The following GRAMD1C variants were observed in gnomAD, a reference collection of about 807,000 sequenced individuals.
GRAMD1C encodes the protein protein Aster-C.
GRAMD1C carries 89 observed loss-of-function variants against 97.8 expected under a neutral mutation model. That is an observed-to-expected ratio of 0.91 (90% confidence interval 0.77 to 1.09). GRAMD1C has a LOEUF of 1.09. Among genes scored for constraint, GRAMD1C ranks in the 50% least tolerant of loss-of-function variants. The pLI is 0.00. For missense variants in GRAMD1C, 740 were observed against 766.4 expected, an observed-to-expected ratio of 0.97 and a Z score of 0.41; for synonymous variants, 256 against 267.0, an observed-to-expected ratio of 0.96 and a Z score of 0.40.
chr3:113,901,630 T>TGGTAAGAGTCATAACAG, intron 7 of GRAMD1C, among the ~76,000 whole-genome samples: 1 of 152,162 alleles, frequency 6.6e-6, no homozygotes, highest in Middle Eastern at 3.2e-3. Flanking sequence ...AGGTCGATAA[T>TGGTAAGAGTCATAACAG]GGTAAGAGTC....
At chr3:113,882,883 A>C (rs764147384) in intron 6 of GRAMD1C, 51 bp downstream of exon 6, 1 of 824,160 alleles carries the variant, frequency 1.2e-6, no homozygotes, top group Non-Finnish European at 2.0e-6. Flanking sequence ...CTCCTAGTGT[A>C]TTTGTGAATT....
chr3:113,857,521 G>A (rs965351739), intron 2 of GRAMD1C, among the ~76,000 whole-genome samples: 19 of 151,912 alleles, frequency 1.3e-4, no homozygotes, highest in African/African-American at 3.4e-4. Flanking sequence ...GACTACGGGC[G>A]CCCACCACCA....
rs781392558 is a variant in GRAMD1C, at chr3:113,901,116, T to C, written c.626T>C (p.Leu209Ser). ...LGLNAEEMEN[L>S]SLSIEDVQPR... The stretch of plus-strand genomic sequence containing the variant: ...TTAAATGCTGAGGAGATGGAAAACT[T>C]GTCACTGTCGATTGAGGATGTGCAG... The change falls in exon 7 of 18, where the codon TTG (leucine) becomes TCG (serine). Residue 209 changes from leucine to serine, a missense_variant. Coordinates refer to ENST00000358160, the MANE Select transcript of GRAMD1C (RefSeq NM_017577.5). 1 of 1,603,658 alleles carries C rather than the reference T, an allele frequency of 6.2e-7. No individual in the cohort carries two copies. Among genetic ancestry groups the C allele is most frequent in the South Asian group, 1.1e-5 (1 of 90,812 alleles).
intron 8 of GRAMD1C, among the ~76,000 whole-genome samples, chr3:113,907,009 A>T (rs908702171): frequency 6.6e-6 from 1 of 152,192 alleles, no homozygotes; most frequent in Middle Eastern, 3.2e-3. Context: ...AAGCTATACC[A>T]TCTAAATTTG....
intron 17 of GRAMD1C, among the ~76,000 whole-genome samples, chr3:113,941,888 G>A (rs1937803750): frequency 6.6e-6 from 1 of 151,698 alleles, no homozygotes; most frequent in Admixed American, 6.6e-5. Context: ...CAAAGTGTTG[G>A]GATTAAAGGC....
rs1157042948 is a variant in GRAMD1C, at chr3:113,934,415, CCTT to C, written c.1353-13_1353-11del. 2 of 1,098,752 alleles carry C rather than the reference CCTT, an allele frequency of 1.8e-6. No individual in the cohort carries two copies. The highest frequency in any genetic ancestry group is 1.6e-5 in the African/African-American group (1 of 62,988). The allele number at this position is 1,098,752 out of a possible 1,614,324, so 68.1% of individuals were successfully genotyped here. On this transcript the variant is annotated splice_polypyrimidine_tract_variant and intron_variant, in intron 12 of 17. Transcript: ENST00000358160. ...TCTGCTCTTTAAATAAATATTCTTT[CCTT>C]CTTATTCTACTAGAGTTTCCACAGA... is the stretch of plus-strand genomic sequence containing the variant.
chr3:113,937,489 ATGTTGT>A (rs1247217682), intron 14 of GRAMD1C, among the ~76,000 whole-genome samples: 1 of 152,190 alleles, frequency 6.6e-6, no homozygotes, highest in Non-Finnish European at 1.5e-5. Flanking sequence ...GCTATCAAGC[ATGTTGT>A]ATTGAATTGC....
intron 10 of GRAMD1C, among the ~76,000 whole-genome samples, chr3:113,924,062 G>A (rs1420737842): frequency 6.9e-6 from 1 of 145,418 alleles, no homozygotes; most frequent in African/African-American, 2.5e-5. Context: ...TAGTTTTTGT[G>A]CATAGAGGTG....
At chr3:113,906,472 T>A (rs1019153642) in intron 8 of GRAMD1C, among the ~76,000 whole-genome samples, 4 of 151,946 alleles carry the variant, frequency 2.6e-5, no homozygotes, top group Non-Finnish European at 4.4e-5. Flanking sequence ...TAAGAAAAAA[T>A]TAAAAATAGA....
chr3:113,856,388 A>G (rs1414540684), intron 2 of GRAMD1C, among the ~76,000 whole-genome samples: 1 of 152,216 alleles, frequency 6.6e-6, no homozygotes, highest in Admixed American at 6.5e-5. Flanking sequence ...AGCTATTGAC[A>G]TGGATAGAAT....
chr3:113,925,473 A>G (rs889969742), intron 10 of GRAMD1C, among the ~76,000 whole-genome samples: 1 of 69,922 alleles, frequency 1.4e-5, no homozygotes, highest in Non-Finnish European at 3.0e-5. Context: ...CTGTGTCTCA[A>G]AAAACAAACA....
At chr3:113,903,142 T>C (rs1936239230) in intron 7 of GRAMD1C, among the ~76,000 whole-genome samples, 2 of 151,076 alleles carry the variant, frequency 1.3e-5, no homozygotes, top group Admixed American at 1.3e-4. Context: ...TTTTTGCATT[T>C]TTTTTTTTTT....
chr3:113,881,775 T>G (rs1463155850), intron 5 of GRAMD1C, among the ~76,000 whole-genome samples: 2 of 152,212 alleles, frequency 1.3e-5, no homozygotes, highest in Non-Finnish European at 2.9e-5. Context: ...CAGCATGTAT[T>G]GATTGTTAGA....
intron 6 of GRAMD1C, among the ~76,000 whole-genome samples, chr3:113,888,500 A>C (rs1254937905): frequency 6.6e-6 from 1 of 152,214 alleles, no homozygotes; most frequent in Non-Finnish European, 1.5e-5. Flanking sequence ...TCACCAGTAC[A>C]AAAAAAGAAA....
intron 1 of GRAMD1C, among the ~76,000 whole-genome samples, chr3:113,831,833 G>A (rs1186683464): frequency 6.6e-6 from 1 of 151,960 alleles, no homozygotes; most frequent in African/African-American, 2.4e-5. Context: ...GTTCTCATGG[G>A]TCTCTTTTGA....
chr3:113,891,955 T>C (rs1935743480), intron 6 of GRAMD1C, among the ~76,000 whole-genome samples: 1 of 151,884 alleles, frequency 6.6e-6, no homozygotes, highest in African/African-American at 2.4e-5. Context: ...AAGTATGTGT[T>C]ACTTCTGCTT....
intron 9 of GRAMD1C, 22 bp from the exon 10 acceptor site, chr3:113,915,679 G>A (rs1234224617): frequency 3.1e-6 from 5 of 1,595,056 alleles, no homozygotes; most frequent in Non-Finnish European, 4.3e-6. Flanking sequence ...TTCTCTTTTG[G>A]TTTGTGTTTC....
chr3:113,834,294 C>T (rs1185961127), upstream of GRAMD1C, among the ~76,000 whole-genome samples: 3 of 152,164 alleles, frequency 2.0e-5, no homozygotes, highest in South Asian at 2.1e-4. Context: ...ATTTTCCTGC[C>T]TCAGCCTCCC....
chr3:113,877,164 G>C (rs1935080212), intron 5 of GRAMD1C, among the ~76,000 whole-genome samples: 1 of 152,110 alleles, frequency 6.6e-6, no homozygotes, highest in Admixed American at 6.6e-5. Context: ...TTTTTAAACA[G>C]TCTTATCCCT....
Sources: gnomAD v4.1 joint callset for allele counts (sites outside exome capture counted in the v4.1 genomes callset) on GRCh38, gnomAD v4.1.1 for gene constraint, MANE v1.5 for transcripts, NCBI Gene and HGNC (gene_info 2026-07-23, HGNC 2026-07-21) for gene names.